Variants in MALRD1 observed in about 807,000 individuals in gnomAD.
MALRD1 encodes the protein MAM and LDL receptor class A domain containing 1, also known as MAM and LDL-receptor class A domain-containing protein 1.
MALRD1 carries 247 observed loss-of-function variants against 242.1 expected under a neutral mutation model. The observed-to-expected ratio is 1.02, with a 90% CI of 0.92 to 1.13. The LOEUF (loss-of-function observed/expected upper bound fraction) is 1.13. Among genes scored for constraint, MALRD1 ranks in the 50% most tolerant of loss-of-function variants. The pLI, the probability that MALRD1 is intolerant of heterozygous loss-of-function variation, is 0.00. For synonymous variants in MALRD1, 995 were observed against 866.6 expected, an observed-to-expected ratio of 1.15 and a Z score of -2.60; for missense variants, 2,989 against 2,533.1, an observed-to-expected ratio of 1.18 and a Z score of -3.86.
intron 34 of MALRD1, among the ~76,000 whole-genome samples, chr10:19,597,434 TTAGAAA>T (rs1389409088): frequency 2.0e-5 from 3 of 152,190 alleles, no homozygotes; most frequent in Non-Finnish European, 4.4e-5. Context: ...TAAGGCCACG[TTAGAAA>T]TAGACTGGGG....
intron 33 of MALRD1, among the ~76,000 whole-genome samples, chr10:19,569,069 A>G (rs1039736575): frequency 6.6e-6 from 1 of 152,122 alleles, no homozygotes; most frequent in South Asian, 2.1e-4. Flanking sequence ...ATTATTGTAA[A>G]TATATTCTAG....
intron 31 of MALRD1, among the ~76,000 whole-genome samples, chr10:19,499,386 G>C (rs747321122): frequency 6.6e-6 from 1 of 150,976 alleles, no homozygotes; most frequent in East Asian, 2.0e-4. Context: ...GATGAACTTT[G>C]AGTAAAGTGG....
intron 32 of MALRD1, among the ~76,000 whole-genome samples, chr10:19,538,742 A>T (rs969211202): frequency 2.6e-5 from 4 of 152,056 alleles, no homozygotes; most frequent in African/African-American, 9.7e-5. Context: ...CTCACAATTT[A>T]TACTTTTCGT....
At chr10:19,692,624 C>A in intron 38 of MALRD1, 70 bp downstream of exon 38, 1 of 1,231,414 alleles carries the variant, frequency 8.1e-7, no homozygotes, top group Admixed American at 2.2e-5. Flanking sequence ...ATTTCCTTTG[C>A]TATTTTTTTC....
At chr10:19,706,425 C>A (rs964168215) in intron 38 of MALRD1, among the ~76,000 whole-genome samples, 1 of 152,052 alleles carries the variant, frequency 6.6e-6, no homozygotes, top group Non-Finnish European at 1.5e-5. Flanking sequence ...CCCCCGCCCC[C>A]CTTGGCCCCG....
At chr10:19,472,287 G>A (rs945688533) in intron 29 of MALRD1, among the ~76,000 whole-genome samples, 3 of 151,976 alleles carry the variant, frequency 2.0e-5, no homozygotes, top group Admixed American at 2.0e-4. Context: ...TCAGTGTGCT[G>A]TTGAGTTCTG....
intron 21 of MALRD1, among the ~76,000 whole-genome samples, chr10:19,296,051 A>G (rs1215846529): frequency 6.6e-6 from 1 of 152,134 alleles, no homozygotes; most frequent in African/African-American, 2.4e-5. Context: ...GTTTCATTCA[A>G]TGAAATCAGA....
At chr10:19,187,293 T>C (rs911924743) in intron 14 of MALRD1, among the ~76,000 whole-genome samples, 1 of 151,746 alleles carries the variant, frequency 6.6e-6, no homozygotes, top group Non-Finnish European at 1.5e-5. Flanking sequence ...GGATGTGTGC[T>C]GTAGAAAAAA....
intron 1 of MALRD1, among the ~76,000 whole-genome samples, chr10:19,061,802 G>A (rs1201445052): frequency 1.3e-5 from 2 of 152,130 alleles, no homozygotes; most frequent in Non-Finnish European, 2.9e-5. Flanking sequence ...ATGGATTGAA[G>A]ACCTAACTGT....
intron 28 of MALRD1, among the ~76,000 whole-genome samples, chr10:19,407,040 C>A (rs1423556790): frequency 1.3e-5 from 2 of 152,128 alleles, no homozygotes; most frequent in Non-Finnish European, 2.9e-5. Flanking sequence ...CTGATGAATT[C>A]CAACTCTTCT....
intron 24 of MALRD1, among the ~76,000 whole-genome samples, chr10:19,336,682 G>C (rs1188859937): frequency 6.6e-6 from 1 of 152,024 alleles, no homozygotes; most frequent in African/African-American, 2.4e-5. Context: ...TTTTGAAACA[G>C]AAATAACAAG....
intron 36 of MALRD1, 57 bp from the exon 37 acceptor site, chr10:19,692,225 T>G (rs1833105330): frequency 7.7e-7 from 1 of 1,292,018 alleles, no homozygotes; most frequent in South Asian, 1.3e-5. Flanking sequence ...GCCAGTTGTG[T>G]TCAAATATCT....
chr10:19,656,049 T>C (rs1841140313), intron 36 of MALRD1, among the ~76,000 whole-genome samples: 1 of 152,134 alleles, frequency 6.6e-6, no homozygotes, highest in Admixed American at 6.6e-5. Context: ...AGTGTAAGGA[T>C]TAAATGAGTG....
chr10:19,552,622 G>A (rs1835534839), intron 32 of MALRD1, among the ~76,000 whole-genome samples: 1 of 151,942 alleles, frequency 6.6e-6, no homozygotes, highest in South Asian at 2.1e-4. Context: ...TCTCACAACA[G>A]TACGTGAATA....
chr10:19,713,389 G>A (rs560151545), intron 38 of MALRD1, among the ~76,000 whole-genome samples: 20 of 152,278 alleles, frequency 1.3e-4, no homozygotes, highest in African/African-American at 4.3e-4. Context: ...AGGGGATAAG[G>A]CATATAGTTG....
chr10:19,654,383 T>C (rs548810145), intron 36 of MALRD1, among the ~76,000 whole-genome samples: 2 of 152,274 alleles, frequency 1.3e-5, no homozygotes, highest in East Asian at 3.9e-4. Context: ...TAAATGTCTG[T>C]TTAATTTTTT....
intron 21 of MALRD1, among the ~76,000 whole-genome samples, chr10:19,293,671 G>A (rs1161821008): frequency 6.6e-6 from 1 of 152,138 alleles, no homozygotes; most frequent in Non-Finnish European, 1.5e-5. Flanking sequence ...ACCAAATACT[G>A]TATGCTCTCA....
At chr10:19,730,626 T>A (rs1191817348) in intron 38 of MALRD1, 80 bp from the exon 39 acceptor site, 1 of 1,372,606 alleles carries the variant, frequency 7.3e-7, no homozygotes, top group South Asian at 1.2e-5. Flanking sequence ...TCTCAAAAGT[T>A]TCTAACAAAC....
intron 29 of MALRD1, among the ~76,000 whole-genome samples, chr10:19,466,760 G>C (rs1255705441): frequency 2.6e-5 from 4 of 151,980 alleles, no homozygotes; most frequent in African/African-American, 9.7e-5. Context: ...TTGGGAATGG[G>C]GTCCAGATCC....
Sources: allele counts gnomAD v4.1 joint callset (sites outside exome capture counted in the v4.1 genomes callset), GRCh38; gene constraint gnomAD v4.1.1; transcripts MANE v1.5; gene names NCBI Gene and HGNC (gene_info 2026-07-23, HGNC 2026-07-21).